MMS22L: variants seen among roughly 807,000 people sequenced by gnomAD.
MMS22L encodes the protein MMS22 like, DNA repair protein.
In MMS22L, 74 loss-of-function variants were observed where a neutral mutation model predicts 159.1. The observed-to-expected ratio is 0.47, with a 90% CI of 0.39 to 0.56. The LOEUF (loss-of-function observed/expected upper bound fraction) is 0.56. Ranked by LOEUF, MMS22L falls within the 20% of genes least tolerant of loss-of-function variation. The pLI is 0.00. For synonymous variants in MMS22L, 517 were observed against 506.9 expected, an observed-to-expected ratio of 1.02 and a Z score of -0.27; for missense variants, 1,351 against 1,422.1, an observed-to-expected ratio of 0.95 and a Z score of 0.80.
At chr6:97,269,345 G>A (rs534640539) in intron 7 of MMS22L, among the ~76,000 whole-genome samples, 1 of 152,154 alleles carries the variant, frequency 6.6e-6, no homozygotes, top group Admixed American at 6.5e-5. Flanking sequence ...CAGCAAAACA[G>A]CAGCATATAC....
chr6:97,226,089 T>C (rs938212592), intron 14 of MMS22L, among the ~76,000 whole-genome samples: 1 of 152,180 alleles, frequency 6.6e-6, no homozygotes, highest in African/African-American at 2.4e-5. Flanking sequence ...TACACAGAAA[T>C]ACATTTACAA....
chr6:97,176,847 G>C (rs941126738), intron 18 of MMS22L, among the ~76,000 whole-genome samples: 1 of 152,030 alleles, frequency 6.6e-6, no homozygotes, highest in African/African-American at 2.4e-5. Context: ...ATTATGCTTC[G>C]TATCCCTCTG....
intron 12 of MMS22L, 28 bp downstream of exon 12, chr6:97,233,832 TG>T: frequency 6.4e-7 from 1 of 1,562,632 alleles, no homozygotes; most frequent in Non-Finnish European, 8.6e-7. Flanking sequence ...TTAAAATTCC[TG>T]GAGCAAATTC....
At chr6:97,243,516 T>TAAATTTTTTTAAA (rs1554274143) in intron 11 of MMS22L, among the ~76,000 whole-genome samples, 10 of 152,198 alleles carry the variant, frequency 6.6e-5, no homozygotes, top group African/African-American at 2.4e-4. Context: ...TTTAATCTGG[T>TAAATTTTTTTAAA]TTTCACATTT....
upstream of MMS22L, chr6:97,283,521 A>G (rs767731757): frequency 4.6e-5 from 7 of 152,272 alleles, no homozygotes; most frequent in Non-Finnish European, 7.3e-5. Flanking sequence ...TCACACCCAC[A>G]GTCGCGCCGT....
At position 97,189,192 on chromosome 6, in the gene MMS22L, G is replaced by A. The variant is rs548468755; in HGVS notation, c.2040-2502C>T. ...ACCTTTGACCTCTCCACAACAAAACGTTGAGGTACCAGGGAGTATAAGTAT... is the reference window on the plus strand; with the variant it reads ...ACCTTTGACCTCTCCACAACAAAACATTGAGGTACCAGGGAGTATAAGTAT... On this transcript the variant is annotated intron_variant, in intron 14 of 24. Transcript: ENST00000683635. Among the ~76,000 whole-genome samples, 9 of 151,016 alleles carry A rather than the reference G, an allele frequency of 6.0e-5. No individual in the cohort carries two copies. In the South Asian group the frequency reaches 8.4e-4, roughly 14 times the overall value.
intron 14 of MMS22L, among the ~76,000 whole-genome samples, chr6:97,223,838 ATCTGTT>A (rs1809922333): frequency 6.6e-6 from 1 of 152,164 alleles, no homozygotes; most frequent in South Asian, 2.1e-4. Flanking sequence ...ACATACAGTA[ATCTGTT>A]TGCAAATTAC....
At chr6:97,268,863 G>T (rs1240162208) in intron 7 of MMS22L, among the ~76,000 whole-genome samples, 1 of 151,888 alleles carries the variant, frequency 6.6e-6, no homozygotes, top group Non-Finnish European at 1.5e-5. Context: ...ATGAATATAT[G>T]TAAGTATATA....
chr6:97,218,214 C>A (rs989938013), intron 14 of MMS22L, among the ~76,000 whole-genome samples: 1 of 152,200 alleles, frequency 6.6e-6, no homozygotes, highest in Non-Finnish European at 1.5e-5. Context: ...CTATCATCCT[C>A]TAGAGGTCCC....
intron 14 of MMS22L, among the ~76,000 whole-genome samples, chr6:97,205,859 A>C (rs1484341903): frequency 1.3e-5 from 2 of 152,152 alleles, no homozygotes; most frequent in Non-Finnish European, 2.9e-5. Context: ...ATAATCACCT[A>C]ATAACAGCAA....
At chr6:97,186,475 C>A (rs746434246) in intron 15 of MMS22L, 22 bp downstream of exon 15, 2 of 1,592,340 alleles carry the variant, frequency 1.3e-6, no homozygotes, top group African/African-American at 2.7e-5. Flanking sequence ...GAGAAATTAG[C>A]AAATTAATAA....
At chr6:97,239,445 G>A (rs774004230) in intron 11 of MMS22L, among the ~76,000 whole-genome samples, 2 of 152,024 alleles carry the variant, frequency 1.3e-5, no homozygotes, top group Non-Finnish European at 2.9e-5. Context: ...TAGAACACAC[G>A]TTTACAATTA....
chr6:97,185,146 G>A (rs890789355), intron 15 of MMS22L, among the ~76,000 whole-genome samples: 21 of 151,502 alleles, frequency 1.4e-4, no homozygotes, highest in African/African-American at 5.1e-4. Context: ...CTGGCCTTCT[G>A]TATTCCTATC....
intron 14 of MMS22L, among the ~76,000 whole-genome samples, chr6:97,204,978 C>T (rs1285408766): frequency 9.2e-6 from 1 of 109,184 alleles, no homozygotes; most frequent in African/African-American, 3.5e-5. Context: ...GAGTCTCACT[C>T]TGCTGCCCTG....
intron 18 of MMS22L, among the ~76,000 whole-genome samples, chr6:97,177,987 A>T (rs986985198): frequency 6.6e-6 from 1 of 152,162 alleles, no homozygotes; most frequent in Non-Finnish European, 1.5e-5. Flanking sequence ...AAAACAAAAC[A>T]AATGGATTGG....
intron 3 of MMS22L, among the ~76,000 whole-genome samples, chr6:97,279,919 G>A (rs1246647973): frequency 6.6e-6 from 1 of 152,118 alleles, no homozygotes; most frequent in Non-Finnish European, 1.5e-5. Flanking sequence ...AAGTATCAGG[G>A]AAAGCTGTTA....
chr6:97,175,091 T>C (rs1256999877), intron 18 of MMS22L, among the ~76,000 whole-genome samples: 3 of 152,198 alleles, frequency 2.0e-5, no homozygotes, highest in South Asian at 2.1e-4. Context: ...TTGGGTTATA[T>C]CTATTGATAT....
chr6:97,281,147 T>C (rs1259052425), intron 3 of MMS22L, 90 bp downstream of exon 3: 3 of 1,266,944 alleles, frequency 2.4e-6, no homozygotes, highest in Admixed American at 2.6e-5. Context: ...CTCTGGTCTT[T>C]TGTAATATCA....
chr6:97,187,182 C>T (rs183197992), intron 14 of MMS22L, among the ~76,000 whole-genome samples: 4 of 152,264 alleles, frequency 2.6e-5, no homozygotes, highest in African/African-American at 9.6e-5. Context: ...ATGCTAGATA[C>T]AATCTTACTA....
Sources: allele counts gnomAD v4.1 joint callset (sites outside exome capture counted in the v4.1 genomes callset), GRCh38; gene constraint gnomAD v4.1.1; transcripts MANE v1.5; gene names NCBI Gene and HGNC (gene_info 2026-07-23, HGNC 2026-07-21).